MFAP1: variants seen among roughly 807,000 people sequenced by gnomAD.
MFAP1 encodes microfibrillar-associated protein 1.
MFAP1 carries 18 observed loss-of-function variants against 62.2 expected under a neutral mutation model. The ratio of observed to expected loss-of-function variants is 0.29; its 90% CI spans 0.20 to 0.43. MFAP1 has a LOEUF of 0.43. MFAP1 is among the 20% of genes least tolerant of loss of function. The pLI is 1.00. For missense variants in MFAP1, 355 were observed against 559.7 expected, an observed-to-expected ratio of 0.63 and a Z score of 3.69; for synonymous variants, 175 against 180.4, an observed-to-expected ratio of 0.97 and a Z score of 0.24.
intron 7 of MFAP1, among the ~76,000 whole-genome samples, chr15:43,809,036 A>C (rs1436835768): frequency 3.3e-5 from 5 of 152,240 alleles, no homozygotes; most frequent in Admixed American, 6.5e-5. Flanking sequence ...TCTGCCACCC[A>C]AAAGTGAATT....
At chr15:43,824,408 G>A in intron 1 of MFAP1, 83 bp downstream of exon 1, 1 of 1,364,232 alleles carries the variant, frequency 7.3e-7, no homozygotes, top group Non-Finnish European at 1.0e-6. Flanking sequence ...CGGGGTTGGA[G>A]TGGTCTGTCC....
chr15:43,806,091 G>C (rs1307432652), intron 7 of MFAP1, among the ~76,000 whole-genome samples: 1 of 151,904 alleles, frequency 6.6e-6, no homozygotes, highest in Non-Finnish European at 1.5e-5. Context: ...CTGAGTGGCT[G>C]GGACTACAGG....
At position 43,815,028 on chromosome 15, in the gene MFAP1, T is replaced by C; in HGVS notation, c.346A>G (p.Ser116Gly). 1.2e-6 allele frequency: 2 copies of C among 1,614,160 alleles called. No homozygotes were observed. The highest frequency in any genetic ancestry group is 1.7e-6 in the Non-Finnish European group (2 of 1,180,030). Residue 116 changes from serine (S) to glycine (G), a missense_variant, in exon 3 of 9, where the codon AGT becomes GGT. Physicochemically the swap from Ser to Gly is moderately conservative, Grantham distance 56 (BLOSUM62 0). Coordinates refer to ENST00000267812, the MANE Select transcript of MFAP1 (RefSeq NM_005926.3). ...KIVEPEVVGESDSEVEGDAWR... is the reference protein window; with the variant it reads ...KIVEPEVVGEGDSEVEGDAWR... ...GCATCTCCTTCTACTTCTGAGTCAC[T>C]CTCTCCTACCACTTCAGGTTCCACT...
intron 4 of MFAP1, among the ~76,000 whole-genome samples, chr15:43,814,268 C>T (rs933417180): frequency 6.6e-6 from 1 of 152,024 alleles, no homozygotes; most frequent in Admixed American, 6.6e-5. Flanking sequence ...CAAAAAAAGG[C>T]CTTGGACAGA....
intron 2 of MFAP1, among the ~76,000 whole-genome samples, chr15:43,816,655 G>T (rs529433788): frequency 6.6e-6 from 1 of 152,068 alleles, no homozygotes; most frequent in African/African-American, 2.4e-5. Context: ...TTTGGCCCAG[G>T]AGCTCTGTGA....
At chr15:43,810,738 C>G (rs1476733626) in intron 6 of MFAP1, among the ~76,000 whole-genome samples, 1 of 151,178 alleles carries the variant, frequency 6.6e-6, no homozygotes, top group African/African-American at 2.4e-5. Flanking sequence ...AAAATGCATA[C>G]ATACACACAA....
chr15:43,805,535 C>G, intron 7 of MFAP1, 70 bp from the exon 8 acceptor site: 1 of 1,277,832 alleles, frequency 7.8e-7, no homozygotes, highest in South Asian at 1.4e-5. Context: ...ATTTATTAAA[C>G]TCTACAATAA....
At position 43,814,679 on chromosome 15, in the gene MFAP1, G is replaced by A. The variant is rs756251823; in HGVS notation, c.439C>T (p.Arg147Trp). 3 of 1,613,446 alleles carry A rather than the reference G, an allele frequency of 1.9e-6. No individual in the cohort carries two copies. Among genetic ancestry groups the A allele is most frequent in the Non-Finnish European group, 1.7e-6 (2 of 1,179,792 alleles). ...EEEIDDEEIE[R>W]RRGMMRQRAQ... ...CGCTGACGCATCATGCCACGCCGCCGCTCTATTTCCTATCAAGTCATATAT... is the reference window on the plus strand; with the variant it reads ...CGCTGACGCATCATGCCACGCCGCCACTCTATTTCCTATCAAGTCATATAT... The change falls in exon 4 of 9, where the codon CGG becomes TGG. Residue 147 changes from arginine (R) to tryptophan (W), a missense_variant. This residue lies in a region of MFAP1 where 257 missense variants were observed against 341.3 expected (regional missense o/e 0.75). Transcript: ENST00000267812.
chr15:43,819,873 T>C (rs2087456920), intron 1 of MFAP1, among the ~76,000 whole-genome samples: 2 of 152,142 alleles, frequency 1.3e-5, no homozygotes, highest in Non-Finnish European at 2.9e-5. Flanking sequence ...TCCAGCTGGG[T>C]GTGGTGGCTC....
At chr15:43,818,018 C>CTT (rs780258021) in intron 1 of MFAP1, among the ~76,000 whole-genome samples, 57 of 131,728 alleles carry the variant, frequency 4.3e-4, no homozygotes, top group South Asian at 1.2e-3. Context: ...AAATACAATT[C>CTT]TTTTTTTTTT....
chr15:43,810,467 T>C (rs1252028652), intron 6 of MFAP1, among the ~76,000 whole-genome samples: 1 of 147,416 alleles, frequency 6.8e-6, no homozygotes, highest in African/African-American at 2.5e-5. Context: ...CCTGGGTTCA[T>C]GCCATTCTCC....
At chr15:43,805,934 G>C (rs891208360) in intron 7 of MFAP1, among the ~76,000 whole-genome samples, 163 of 147,962 alleles carry the variant, frequency 1.1e-3, no homozygotes, top group African/African-American at 3.9e-3. Context: ...TTTTTCCTTT[G>C]TTGTATTTCT....
At chr15:43,809,130 G>A (rs1243387993) in intron 7 of MFAP1, among the ~76,000 whole-genome samples, 1 of 152,028 alleles carries the variant, frequency 6.6e-6, no homozygotes, top group Non-Finnish European at 1.5e-5. Flanking sequence ...TATGTCATGT[G>A]GAGGACCTAA....
At chr15:43,807,073 G>A (rs892214503) in intron 7 of MFAP1, among the ~76,000 whole-genome samples, 3 of 151,902 alleles carry the variant, frequency 2.0e-5, no homozygotes, top group East Asian at 2.0e-4. Context: ...CATCTTGGCC[G>A]GGCATAGTAG....
At chr15:43,818,015 ATTCT>A (rs1293717007) in intron 1 of MFAP1, among the ~76,000 whole-genome samples, 1 of 148,716 alleles carries the variant, frequency 6.7e-6, no homozygotes, top group African/African-American at 2.5e-5. Context: ...TACAAATACA[ATTCT>A]TTTTTTTTTT....
chr15:43,810,219 T>TA, intron 6 of MFAP1: 12 of 266,498 alleles, frequency 4.5e-5, no homozygotes, highest in South Asian at 1.2e-4. Context: ...CTTCTTAGCT[T>TA]TAAAAAAAAA....
At position 43,814,549 on chromosome 15, in the gene MFAP1, T is replaced by C. The variant is rs776297554; in HGVS notation, c.569A>G (p.Asp190Gly). ...GCGAGGCTCCATCTCATCTTCACTG[T>C]CTGTGTACTCTTCATACTCAGACTC... ...ESESEYEEYTDSEDEMEPRLK... is the reference protein window; with the variant it reads ...ESESEYEEYTGSEDEMEPRLK... Residue 190 changes from aspartate to glycine, a missense_variant, in exon 4 of 9, where the codon GAC (aspartate) becomes GGC (glycine). Physicochemically the swap from Asp to Gly is moderately conservative, Grantham distance 94. Around this residue, in one of 6 missense-constraint regions of MFAP1, gnomAD observed 257 missense variants for 341.3 expected, o/e 0.75. Coordinates refer to ENST00000267812, the MANE Select transcript of MFAP1 (RefSeq NM_005926.3). The C allele has an allele frequency of 6.2e-7, 1 of 1,614,186 alleles. No homozygotes were observed. The highest frequency in any genetic ancestry group is 1.1e-5 in the South Asian group (1 of 91,080).
At chr15:43,810,652 C>T (rs1185378434) in intron 6 of MFAP1, among the ~76,000 whole-genome samples, 1 of 152,168 alleles carries the variant, frequency 6.6e-6, no homozygotes, top group African/African-American at 2.4e-5. Flanking sequence ...TAGGCGTGAG[C>T]CACTGCGCCC....
chr15:43,812,023 G>A (rs950401341), intron 6 of MFAP1, among the ~76,000 whole-genome samples: 3 of 151,878 alleles, frequency 2.0e-5, no homozygotes, highest in Non-Finnish European at 4.4e-5. Context: ...AACCCTGTCT[G>A]TACTAAAAAT....
Sources: allele counts gnomAD v4.1 joint callset (sites outside exome capture counted in the v4.1 genomes callset), GRCh38; gene constraint gnomAD v4.1.1; regional missense constraint gnomAD v4.1.1; transcripts MANE v1.5; gene names NCBI Gene and HGNC (gene_info 2026-07-23, HGNC 2026-07-21).